The following COL24A1 variants were observed in gnomAD, a reference collection of about 807,000 sequenced individuals.
COL24A1 encodes collagen alpha-1(XXIV) chain.
COL24A1 carries 224 observed loss-of-function variants against 253.9 expected under a neutral mutation model. The observed-to-expected ratio is 0.88, with a 90% CI of 0.79 to 0.99. The LOEUF is 0.99. COL24A1 is among the 50% of genes least tolerant of loss of function. The probability of loss-of-function intolerance (pLI) is 0.00; values close to 1 mark genes in which losing one functional copy is unlikely to be tolerated. For missense variants in COL24A1, 2,131 were observed against 2,068.5 expected, an observed-to-expected ratio of 1.03 and a Z score of -0.59; for synonymous variants, 685 against 673.7, an observed-to-expected ratio of 1.02 and a Z score of -0.26.
At chr1:86,005,798 T>C (rs543599674) in intron 19 of COL24A1, among the ~76,000 whole-genome samples, 5 of 152,230 alleles carry the variant, frequency 3.3e-5, no homozygotes, top group African/African-American at 1.2e-4. Flanking sequence ...GATGACATGA[T>C]TGGCTATGCA....
At chr1:85,986,378 C>T (rs1693724734) in intron 20 of COL24A1, among the ~76,000 whole-genome samples, 1 of 151,792 alleles carries the variant, frequency 6.6e-6, no homozygotes, top group African/African-American at 2.4e-5. Flanking sequence ...TCCAAACTGA[C>T]ATAAGAGGTA....
At position 85,885,397 on chromosome 1, in the gene COL24A1, ATT is replaced by A. The variant is rs1177337391; in HGVS notation, c.2976+4161_2976+4162del. On this transcript the variant is annotated intron_variant, in intron 32 of 59. Transcript: ENST00000370571. ...TGTGTGTATATATATATATATATAT[ATT>A]TTTTTTTTAAGTAGAAACTAAATGT... Among the ~76,000 whole-genome samples the A allele has an allele frequency of 1.3e-3, 174 of 128,908 alleles. 2 individuals are homozygous for A. The highest frequency in any genetic ancestry group is 0.012 in the Admixed American group (143 of 11,856). The allele number at this position is 128,908 out of a possible 152,430, so 84.6% of individuals were successfully genotyped here. A position where few individuals can be genotyped will look rare whatever the true frequency, so the allele number is the denominator to read the frequency against.
chr1:85,886,579 C>T (rs1323021034), intron 32 of COL24A1, among the ~76,000 whole-genome samples: 1 of 151,662 alleles, frequency 6.6e-6, no homozygotes, highest in Non-Finnish European at 1.5e-5. Flanking sequence ...GTAGGAGAAT[C>T]GCTTGAACCT....
At chr1:85,759,337 A>G (rs1666603862) in intron 55 of COL24A1, among the ~76,000 whole-genome samples, 2 of 152,210 alleles carry the variant, frequency 1.3e-5, no homozygotes, top group African/African-American at 4.8e-5. Context: ...AAAGACAAAC[A>G]TGAAAATAAA....
intron 20 of COL24A1, among the ~76,000 whole-genome samples, chr1:85,986,177 T>C (rs1264646556): frequency 6.6e-6 from 1 of 151,838 alleles, no homozygotes; most frequent in Non-Finnish European, 1.5e-5. Context: ...TCTCTAGATT[T>C]TAAGTTTCTT....
intron 47 of COL24A1, among the ~76,000 whole-genome samples, chr1:85,806,366 T>C (rs544472221): frequency 6.6e-6 from 1 of 152,274 alleles, no homozygotes; most frequent in Admixed American, 6.5e-5. Flanking sequence ...GTAATAAGAA[T>C]AATGTGATGA....
rs1478359497 is a variant in COL24A1 at position 85,875,306 on chromosome 1, A to G, written c.3055T>C (p.Ser1019Pro). The change falls in exon 34 of 60, where the codon TCT (serine) becomes CCT (proline). Residue 1019 changes from serine to proline, a missense_variant. Physicochemically the swap from Ser to Pro is moderately conservative, Grantham distance 74. Coordinates refer to ENST00000370571, the MANE Select transcript of COL24A1 (RefSeq NM_152890.7). Reference sequence around the variant, plus strand: ...GCACCTGGTTCACCTTGCAGACCAGACTCTCCCTCAGTGCCTGGAGGTCCC... The same window carrying G: ...GCACCTGGTTCACCTTGCAGACCAGGCTCTCCCTCAGTGCCTGGAGGTCCC... ...MEGPPGTEGE[S>P]GLQGEPGAKG... 6.2e-7 allele frequency: 1 copy of G among 1,613,486 alleles called. No individual in the cohort carries two copies. The highest frequency in any genetic ancestry group is 8.5e-7 in the Non-Finnish European group (1 of 1,179,786).
chr1:86,140,464 C>T (rs1210857699), intron 2 of COL24A1, among the ~76,000 whole-genome samples: 1 of 152,292 alleles, frequency 6.6e-6, no homozygotes, highest in Admixed American at 6.5e-5. Flanking sequence ...GAAGTTTTGG[C>T]TAAGTGCCCA....
intron 14 of COL24A1, among the ~76,000 whole-genome samples, chr1:86,024,031 G>A (rs1460110252): frequency 6.6e-6 from 1 of 151,906 alleles, no homozygotes; most frequent in East Asian, 1.9e-4. Flanking sequence ...AATTTCTTAG[G>A]ATAGCATCCT....
intron 55 of COL24A1, among the ~76,000 whole-genome samples, chr1:85,757,764 C>T (rs1298617708): frequency 6.6e-6 from 1 of 152,030 alleles, no homozygotes; most frequent in Non-Finnish European, 1.5e-5. Flanking sequence ...TTAAGAAAGG[C>T]AGGGTCAGAG....
Position 86,050,164 on chromosome 1 carries a change from G to A in COL24A1, c.1865C>T (p.Ser622Phe), listed in dbSNP as rs764181772. 1.2e-6 allele frequency: 2 copies of A among 1,613,316 alleles called. No homozygotes were observed. Among genetic ancestry groups the A allele is most frequent in the Non-Finnish European group, 1.7e-6 (2 of 1,179,430 alleles). The change falls in exon 11 of 60, where the codon TCT becomes TTT. Residue 622 changes from serine (S) to phenylalanine (F), a missense_variant. Ser to Phe is a radical substitution (Grantham distance 155). Transcript: ENST00000370571. ...TCCCAGTTGTCCCGCTTCTCCAGGA[G>A]AGCCAATAAAACCCTTAAAACAAGA... ...GPKGAQGFIG[S>F]PGEAGQLGPE... is the part of the protein sequence containing the mutation.
intron 53 of COL24A1, among the ~76,000 whole-genome samples, chr1:85,768,585 T>TC (rs1318865376): frequency 4.5e-5 from 5 of 112,146 alleles, no homozygotes; most frequent in East Asian, 2.8e-4. Context: ...AGTTCTTTTG[T>TC]GCGGGGGGAG....
chr1:86,092,643 AGTT>A (rs1218447931), intron 5 of COL24A1, among the ~76,000 whole-genome samples: 1 of 151,840 alleles, frequency 6.6e-6, no homozygotes, highest in Non-Finnish European at 1.5e-5. Flanking sequence ...TGACATATTG[AGTT>A]GTTATTCCTA....
intron 53 of COL24A1, among the ~76,000 whole-genome samples, chr1:85,772,601 T>A (rs1409582379): frequency 6.6e-6 from 1 of 152,106 alleles, no homozygotes; most frequent in African/African-American, 2.4e-5. Flanking sequence ...GGTTTTGATT[T>A]GCATTTCTCT....
At chr1:85,983,259 T>C (rs1693419197) in intron 20 of COL24A1, among the ~76,000 whole-genome samples, 1 of 151,998 alleles carries the variant, frequency 6.6e-6, no homozygotes, top group Admixed American at 6.6e-5. Flanking sequence ...ACTCTTACCT[T>C]CTGCAGTAAG....
chr1:85,904,784 C>A (rs1192837831), intron 28 of COL24A1, among the ~76,000 whole-genome samples: 1 of 152,032 alleles, frequency 6.6e-6, no homozygotes, highest in Non-Finnish European at 1.5e-5. Flanking sequence ...TTTTCCTGTC[C>A]TTTGGAAAAA....
chr1:85,761,477 C>A (rs1570493268), intron 54 of COL24A1, 54 bp downstream of exon 54: 2 of 1,613,708 alleles, frequency 1.2e-6, no homozygotes, highest in Non-Finnish European at 1.7e-6. Context: ...CATCTTAAAC[C>A]AGGCAAACAT....
chr1:85,843,346 C>T (rs1167169237), intron 39 of COL24A1, among the ~76,000 whole-genome samples: 1 of 152,098 alleles, frequency 6.6e-6, no homozygotes, highest in Non-Finnish European at 1.5e-5. Context: ...AAAGGAATTG[C>T]ACAAAATTAA....
In COL24A1 at chr1:85,744,720, T is replaced by C; in HGVS notation, c.4618A>G (p.Asn1540Asp). ...SIKNPLGTRD[N>D]PARICKDLLN... ...AAATCTTTGCAGATTCGTGCTGGGTTATCTCGTGTGCCAAGAGGATTCTTG... is the reference window on the plus strand; with the variant it reads ...AAATCTTTGCAGATTCGTGCTGGGTCATCTCGTGTGCCAAGAGGATTCTTG... The change falls in exon 57 of 60, where the codon AAC (asparagine) becomes GAC (aspartate). Residue 1540 changes from asparagine (N) to aspartate (D), a missense_variant. Asn to Asp is a conservative substitution (Grantham distance 23). Transcript: ENST00000370571. 6.2e-7 allele frequency: 1 copy of C among 1,610,000 alleles called. No individual in the cohort carries two copies. The highest frequency in any genetic ancestry group is 8.5e-7 in the Non-Finnish European group (1 of 1,178,932).
Sources: allele counts gnomAD v4.1 joint callset (sites outside exome capture counted in the v4.1 genomes callset), GRCh38; gene constraint gnomAD v4.1.1; transcripts MANE v1.5; gene names NCBI Gene and HGNC (gene_info 2026-07-23, HGNC 2026-07-21).